CSMD1: variants seen among roughly 807,000 people sequenced by gnomAD.
CSMD1 encodes CUB and sushi domain-containing protein 1.
CSMD1 carries 213 observed loss-of-function variants against 417.5 expected under a neutral mutation model. That is an observed-to-expected ratio of 0.51 (90% CI 0.46 to 0.57). The LOEUF (loss-of-function observed/expected upper bound fraction) is 0.57, where lower values mean the gene tolerates loss of function less well. Among genes scored for constraint, CSMD1 ranks in the 20% least tolerant of loss-of-function variants. The pLI is 0.00. For missense variants in CSMD1, 6,923 were observed against 4,529.7 expected (o/e 1.53, Z -15.17); for synonymous variants, 2,862 against 1,736.8 (o/e 1.65, Z -16.11).
chr8:4,277,880 T>C (rs866004715), intron 3 of CSMD1, among the ~76,000 whole-genome samples: 5 of 152,102 alleles, frequency 3.3e-5, no homozygotes, highest in Non-Finnish European at 7.3e-5. Context: ...CCCGAGTAGA[T>C]GGGACTACAG....
chr8:3,397,182 G>C (rs897198519), intron 16 of CSMD1, among the ~76,000 whole-genome samples: 3 of 152,140 alleles, frequency 2.0e-5, no homozygotes, highest in Non-Finnish European at 2.9e-5. Context: ...CCCGGTTTCT[G>C]AGTGCCTGAC....
At chr8:4,955,960 G>A (rs1334887962) in intron 1 of CSMD1, among the ~76,000 whole-genome samples, 2 of 152,168 alleles carry the variant, frequency 1.3e-5, no homozygotes, top group African/African-American at 2.4e-5. Flanking sequence ...TTTGAGAAAC[G>A]CTGTGCTGCG....
At chr8:3,251,975 G>A (rs1483323543) in intron 26 of CSMD1, among the ~76,000 whole-genome samples, 1 of 152,168 alleles carries the variant, frequency 6.6e-6, no homozygotes, top group African/African-American at 2.4e-5. Context: ...CTGAGACAAT[G>A]CGGTTTTCTA....
chr8:3,756,306 T>A (rs1404779229), intron 5 of CSMD1, among the ~76,000 whole-genome samples: 1 of 150,108 alleles, frequency 6.7e-6, no homozygotes, highest in South Asian at 2.1e-4. Context: ...TGAGCTGAGA[T>A]CGCGCCACTG....
intron 10 of CSMD1, among the ~76,000 whole-genome samples, chr8:3,547,137 C>G (rs1024988022): frequency 3.3e-5 from 5 of 152,282 alleles, no homozygotes; most frequent in Non-Finnish European, 5.9e-5. Flanking sequence ...TTCACACAGG[C>G]TCCTGGACAA....
chr8:4,324,901 C>T (rs1174204441), intron 3 of CSMD1, among the ~76,000 whole-genome samples: 2 of 152,120 alleles, frequency 1.3e-5, no homozygotes, highest in African/African-American at 2.4e-5. Context: ...ACTCTGAGTC[C>T]TGAGTTGATT....
At chr8:4,817,622 G>T (rs990025384) in intron 1 of CSMD1, among the ~76,000 whole-genome samples, 1 of 152,168 alleles carries the variant, frequency 6.6e-6, no homozygotes, top group Admixed American at 6.5e-5. Flanking sequence ...TTGAATCAAA[G>T]GAAACAATTT....
At chr8:3,178,222 T>C (rs1821063585) in intron 37 of CSMD1, among the ~76,000 whole-genome samples, 1 of 152,206 alleles carries the variant, frequency 6.6e-6, no homozygotes, top group African/African-American at 2.4e-5. Flanking sequence ...GTTTGGTTTT[T>C]GTTTGAGAAA....
At chr8:3,196,647 T>G (rs1297347796) in intron 33 of CSMD1, among the ~76,000 whole-genome samples, 1 of 152,158 alleles carries the variant, frequency 6.6e-6, no homozygotes, top group African/African-American at 2.4e-5. Flanking sequence ...ATGAAGTGGT[T>G]GCTGATTCAG....
intron 5 of CSMD1, among the ~76,000 whole-genome samples, chr8:3,991,257 A>T (rs1814725391): frequency 6.6e-6 from 1 of 152,224 alleles, no homozygotes; most frequent in Non-Finnish European, 1.5e-5. Context: ...GTACAGTAGA[A>T]TTAGCTGGTA....
chr8:4,230,635 G>A (rs1801665763), intron 3 of CSMD1, among the ~76,000 whole-genome samples: 1 of 152,014 alleles, frequency 6.6e-6, no homozygotes, highest in Non-Finnish European at 1.5e-5. Flanking sequence ...CCAAATTTGT[G>A]ACTACCAAGT....
chr8:4,142,307 G>C (rs1487361756), intron 3 of CSMD1, among the ~76,000 whole-genome samples: 4 of 150,958 alleles, frequency 2.6e-5, no homozygotes, highest in South Asian at 2.1e-4. Context: ...CCAAAGATTT[G>C]CTATCTTTAT....
At chr8:3,844,645 T>A (rs1803368541) in intron 5 of CSMD1, among the ~76,000 whole-genome samples, 1 of 152,140 alleles carries the variant, frequency 6.6e-6, no homozygotes, top group Non-Finnish European at 1.5e-5. Context: ...ACGGTGGGTA[T>A]GCAGCTGGAA....
chr8:4,155,900 T>C (rs1018678094), intron 3 of CSMD1, among the ~76,000 whole-genome samples: 9 of 152,116 alleles, frequency 5.9e-5, no homozygotes, highest in Non-Finnish European at 1.0e-4. Context: ...TCCCAGTAAG[T>C]GCGGGAATGA....
intron 25 of CSMD1, among the ~76,000 whole-genome samples, chr8:3,297,508 C>T (rs1043792717): frequency 6.6e-6 from 1 of 152,062 alleles, no homozygotes; most frequent in Non-Finnish European, 1.5e-5. Context: ...GGAAACAGAT[C>T]TGCATAGATC....
intron 5 of CSMD1, among the ~76,000 whole-genome samples, chr8:3,844,270 G>C (rs1010879322): frequency 6.6e-6 from 1 of 152,108 alleles, no homozygotes; most frequent in Non-Finnish European, 1.5e-5. Context: ...CGGATGGGTG[G>C]GTGATATTTA....
chr8:4,008,902 G>A (rs147260761), intron 4 of CSMD1, among the ~76,000 whole-genome samples: 2,221 of 152,088 alleles, frequency 0.015, 52 homozygotes, highest in African/African-American at 0.051. Flanking sequence ...GAGCCACCGC[G>A]CCCAGTCTGA....
At chr8:3,018,454 T>C (rs748707307) in intron 52 of CSMD1, 23 bp downstream of exon 52, 2 of 1,609,106 alleles carry the variant, frequency 1.2e-6, no homozygotes. Flanking sequence ...ATTAAGTAAG[T>C]GCCAGAACAC....
chr8:3,728,248 T>C (rs1444841187), intron 6 of CSMD1, among the ~76,000 whole-genome samples: 1 of 152,136 alleles, frequency 6.6e-6, no homozygotes, highest in Non-Finnish European at 1.5e-5. Context: ...TTTCTCTTGG[T>C]TCTTATTCTC....
Sources: gnomAD v4.1 joint callset for allele counts (sites outside exome capture counted in the v4.1 genomes callset) on GRCh38, gnomAD v4.1.1 for gene constraint, MANE v1.5 for transcripts, NCBI Gene and HGNC (gene_info 2026-07-23, HGNC 2026-07-21) for gene names.